UBOX5: variants seen among roughly 807,000 people sequenced by gnomAD.
UBOX5 encodes the protein RING finger protein 37.
A neutral mutation model predicts 39.0 loss-of-function variants in UBOX5; 28 were observed. The ratio of observed to expected loss-of-function variants is 0.72; its 90% CI spans 0.53 to 0.98. UBOX5 has a LOEUF of 0.98. Among genes scored for constraint, UBOX5 ranks in the 50% least tolerant of loss-of-function variants. The probability of loss-of-function intolerance (pLI) is 0.00; values close to 1 mark genes in which losing one functional copy is unlikely to be tolerated. For missense variants in UBOX5, 585 were observed against 674.4 expected (o/e 0.87, Z 1.47); for synonymous variants, 283 against 275.5 (o/e 1.03, Z -0.27).
chr20:3,118,629 A>T (rs1042712670), intron 3 of UBOX5, among the ~76,000 whole-genome samples: 1 of 151,134 alleles, frequency 6.6e-6, no homozygotes, highest in Non-Finnish European at 1.5e-5. Flanking sequence ...AAAATTAGCC[A>T]GGTGTGCTGG....
intron 1 of UBOX5, among the ~76,000 whole-genome samples, chr20:3,131,697 A>G (rs745683430): frequency 1.3e-5 from 2 of 152,210 alleles, no homozygotes; most frequent in Non-Finnish European, 2.9e-5. Flanking sequence ...CAAAACCTGT[A>G]ATTCAAAACC....
intron 1 of UBOX5, chr20:3,146,529 G>A (rs950258167): frequency 3.6e-4 from 160 of 439,650 alleles, no homozygotes; most frequent in Non-Finnish European, 5.2e-4. Context: ...TTACTTGACC[G>A]TAGGACATAT....
Position 3,132,428 on chromosome 20 carries a change from G to A in UBOX5, c.-41-9022C>T, listed in dbSNP as rs149753950. Among the ~76,000 whole-genome samples the A allele has an allele frequency of 2.3e-4, 35 of 152,056 alleles. No homozygotes were observed. In the South Asian group the frequency reaches 4.6e-3, roughly 20 times the overall value. On this transcript the variant is annotated intron_variant, in intron 1 of 4. Transcript: ENST00000217173. ...GCTCATTAGTTATAAGAAATGTACCGCACTAAGATGTTAATAGCATTAATA... is the reference window on the plus strand; with the variant it reads ...GCTCATTAGTTATAAGAAATGTACCACACTAAGATGTTAATAGCATTAATA...
intron 1 of UBOX5, among the ~76,000 whole-genome samples, chr20:3,159,483 A>G (rs1258733572): frequency 2.0e-5 from 3 of 152,258 alleles, no homozygotes; most frequent in African/African-American, 7.2e-5. Context: ...GCACCGTGAG[A>G]CAAGTACTGT....
chr20:3,132,677 G>A lies in UBOX5; in HGVS notation c.-41-9271C>T, dbSNP rs1171362850. ...CTACTAAAAATACAAAAAATTACCCGGGTGTGGTGGCAGGTGCCTGTAATC... is the reference window on the plus strand; with the variant it reads ...CTACTAAAAATACAAAAAATTACCCAGGTGTGGTGGCAGGTGCCTGTAATC... On this transcript the variant is annotated intron_variant, in intron 1 of 4. Transcript: ENST00000217173. 4.6e-5 allele frequency among the ~76,000 whole-genome samples: 7 copies of A among 151,902 alleles called. No homozygotes were observed. In the South Asian group the frequency reaches 6.2e-4, roughly 14 times the overall value.
intron 1 of UBOX5, among the ~76,000 whole-genome samples, chr20:3,139,627 T>A (rs1464288032): frequency 6.6e-6 from 1 of 152,008 alleles, no homozygotes; most frequent in African/African-American, 2.4e-5. Context: ...CCTGACAGCC[T>A]GGTCTTAAAC....
intron 3 of UBOX5, 45 bp from the exon 4 acceptor site, chr20:3,115,511 CAA>C (rs1325523450): frequency 6.4e-7 from 1 of 1,556,906 alleles, no homozygotes; most frequent in Admixed American, 1.9e-5. Flanking sequence ...ACAGGCTCCG[CAA>C]AAGAGAACAG....
chr20:3,120,387 A>G (rs925318972), intron 3 of UBOX5, among the ~76,000 whole-genome samples: 3 of 149,720 alleles, frequency 2.0e-5, no homozygotes, highest in Admixed American at 6.7e-5. Context: ...AGTGGCTTAC[A>G]TCTGTAATCC....
intron 4 of UBOX5, among the ~76,000 whole-genome samples, chr20:3,114,719 G>A (rs1431132067): frequency 6.6e-6 from 1 of 152,200 alleles, no homozygotes; most frequent in African/African-American, 2.4e-5. Flanking sequence ...CGAGGCCGAG[G>A]CGGGCGGATC....
chr20:3,147,267 G>A (rs768305527), intron 1 of UBOX5: 7 of 1,614,184 alleles, frequency 4.3e-6, no homozygotes, highest in Non-Finnish European at 5.1e-6. Context: ...CTATTAAATG[G>A]TAATGGCTTC....
At chr20:3,115,140 T>A (rs1428890584) in intron 4 of UBOX5, among the ~76,000 whole-genome samples, 165 bp downstream of exon 4, 1 of 152,052 alleles carries the variant, frequency 6.6e-6, no homozygotes, top group Non-Finnish European at 1.5e-5. Context: ...CAACTACCCC[T>A]GGAAAAGGCA....
At chr20:3,122,899 T>C (rs376949126) in intron 2 of UBOX5, among the ~76,000 whole-genome samples, 4 of 151,418 alleles carry the variant, frequency 2.6e-5, no homozygotes, top group Non-Finnish European at 5.9e-5. Flanking sequence ...CTGGGCAACA[T>C]AGCAAGACCC....
intron 1 of UBOX5, among the ~76,000 whole-genome samples, chr20:3,131,327 T>G (rs923020483): frequency 2.0e-5 from 3 of 152,246 alleles, no homozygotes; most frequent in African/African-American, 7.2e-5. Context: ...TCATATTTTT[T>G]GAAGTCAGGA....
chr20:3,144,087 T>C (rs751930487), intron 1 of UBOX5, among the ~76,000 whole-genome samples: 3 of 152,210 alleles, frequency 2.0e-5, no homozygotes, highest in Non-Finnish European at 4.4e-5. Context: ...GGCTTAATAC[T>C]GTCAAGATGG....
intron 1 of UBOX5, among the ~76,000 whole-genome samples, chr20:3,131,222 C>A (rs1268491498): frequency 6.7e-6 from 1 of 149,466 alleles, no homozygotes; most frequent in East Asian, 1.9e-4. Flanking sequence ...GAGTGAGACT[C>A]CATCTCAAAA....
intron 1 of UBOX5, among the ~76,000 whole-genome samples, chr20:3,156,282 TCTCCTGCCTCAGC>T (rs1320605051): frequency 2.0e-5 from 3 of 151,494 alleles, no homozygotes; most frequent in African/African-American, 7.3e-5. Flanking sequence ...TTTAAGTAAT[TCTCCTGCCTCAGC>T]CTCCCAAGTA....
At chr20:3,148,050 C>T (rs1212966284) in intron 1 of UBOX5, 1 of 1,614,056 alleles carries the variant, frequency 6.2e-7, no homozygotes, top group African/African-American at 1.3e-5. Context: ...GCCAAGTCTC[C>T]AATTTTCCGC....
chr20:3,154,739 G>A (rs76196562), intron 1 of UBOX5, among the ~76,000 whole-genome samples: 6,237 of 152,190 alleles, frequency 0.041, 167 homozygotes, highest in Non-Finnish European at 0.064. Context: ...CTATTCAGTT[G>A]AGAATAATAC....
At chr20:3,114,279 A>C (rs1189016903) in intron 4 of UBOX5, among the ~76,000 whole-genome samples, 2 of 152,082 alleles carry the variant, frequency 1.3e-5, no homozygotes, top group Non-Finnish European at 1.5e-5. Context: ...GAGATTAGAG[A>C]GTCCAGGGCC....
Sources: allele counts gnomAD v4.1 joint callset (sites outside exome capture counted in the v4.1 genomes callset), GRCh38; gene constraint gnomAD v4.1.1; transcripts MANE v1.5; gene names NCBI Gene and HGNC (gene_info 2026-07-23, HGNC 2026-07-21).